MAP3K8: variants seen among roughly 807,000 people sequenced by gnomAD.
MAP3K8 encodes Ewing sarcoma transformant.
A neutral mutation model predicts 45.8 loss-of-function variants in MAP3K8; 22 were observed. That is an observed-to-expected ratio of 0.48 (90% CI 0.34 to 0.69). The LOEUF (loss-of-function observed/expected upper bound fraction) is 0.69. Among genes scored for constraint, MAP3K8 ranks in the 30% least tolerant of loss-of-function variants. The pLI, the probability that MAP3K8 is intolerant of heterozygous loss-of-function variation, is 0.01. For missense variants in MAP3K8, 419 were observed against 585.0 expected (o/e 0.72, Z 2.93); for synonymous variants, 223 against 214.3 (o/e 1.04, Z -0.36).
intron 3 of MAP3K8, among the ~76,000 whole-genome samples, chr10:30,439,909 A>C (rs924670439): frequency 2.6e-5 from 4 of 152,226 alleles, no homozygotes; most frequent in African/African-American, 4.8e-5. Flanking sequence ...CCTTCGTCTG[A>C]GAGGGGAATA....
chr10:30,443,787 A>C (rs929254464), intron 3 of MAP3K8, among the ~76,000 whole-genome samples: 31 of 152,260 alleles, frequency 2.0e-4, no homozygotes, highest in African/African-American at 6.8e-4. Context: ...CGTATAAATG[A>C]CAGTGATCTG....
chr10:30,437,387 C>A lies in MAP3K8; in HGVS notation c.-43C>A. On this transcript the variant is annotated 5_prime_UTR_variant, in exon 2 of 9. Coordinates refer to ENST00000263056, the MANE Select transcript of MAP3K8 (RefSeq NM_005204.4). ...CTTTATGAGCTTGAACTCTGTTAAT[C>A]CTCACGACCACCTCATGAGGTAGGT... The A allele has an allele frequency of 1.2e-6, 1 of 823,530 alleles. No homozygotes were observed. Among genetic ancestry groups the A allele is most frequent in the Non-Finnish European group, 1.5e-6 (1 of 681,924 alleles). The allele number at this position is 823,530 out of a possible 1,614,324, so 51.0% of individuals were successfully genotyped here.
intron 8 of MAP3K8, 25 bp downstream of exon 8, chr10:30,459,526 C>T (rs1401866286): frequency 6.2e-7 from 1 of 1,611,226 alleles, no homozygotes; most frequent in Non-Finnish European, 8.5e-7. Context: ...CTGTGTGCCG[C>T]ACACTTACTT....
intron 1 of MAP3K8, among the ~76,000 whole-genome samples, chr10:30,435,882 G>A (rs1318742624): frequency 6.6e-6 from 1 of 152,224 alleles, no homozygotes; most frequent in Non-Finnish European, 1.5e-5. Flanking sequence ...ACAAGTAATA[G>A]TCATTCTTTG....
At chr10:30,451,493 CT>C (rs1441905915) in intron 5 of MAP3K8, 144 bp from the exon 6 acceptor site, 1 of 472,994 alleles carries the variant, frequency 2.1e-6, no homozygotes, top group African/African-American at 2.0e-5. Context: ...TCATTCTCCT[CT>C]TTTGAATATA....
At position 30,438,819 on chromosome 10, in the gene MAP3K8, A is replaced by G. The variant is rs562210270; in HGVS notation, c.-23-97A>G. The G allele has an allele frequency of 4.0e-5, 27 of 677,600 alleles. No homozygotes were observed. In the South Asian group the frequency reaches 5.0e-4, roughly 12 times the overall value. 42.0% of individuals were successfully genotyped at this position (677,600 alleles called of 1,614,324 possible). On this transcript the variant is annotated intron_variant, in intron 2 of 8. Coordinates refer to ENST00000263056, the MANE Select transcript of MAP3K8 (RefSeq NM_005204.4). ...ACCCTCGTTTTCTGAACAAAAGCAT[A>G]TAAAATCCTGTTGCCAATCCTTGTA...
chr10:30,435,018 T>A (rs568280682), intron 1 of MAP3K8, among the ~76,000 whole-genome samples: 1 of 152,210 alleles, frequency 6.6e-6, no homozygotes, highest in South Asian at 2.1e-4. Context: ...AAAGTTATTT[T>A]CACGGAAGTT....
At chr10:30,452,065 GGCTAAT>G (rs762130194) in intron 6 of MAP3K8, among the ~76,000 whole-genome samples, 30 of 152,088 alleles carry the variant, frequency 2.0e-4, no homozygotes, top group Non-Finnish European at 3.8e-4. Flanking sequence ...CAGGTGTGGT[GGCTAAT>G]GCCTGTAATC....
chr10:30,443,072 C>T (rs761299297), intron 3 of MAP3K8, among the ~76,000 whole-genome samples: 32 of 152,060 alleles, frequency 2.1e-4, no homozygotes, highest in Non-Finnish European at 1.5e-4. Flanking sequence ...CATCTCTGAC[C>T]GTTTAGTGCA....
Position 30,447,806 on chromosome 10 carries a change from T to C in MAP3K8, c.361T>C (p.Tyr121His). ...NMVITPQNGR[Y>H]QIDSDVLLIP... ...GGTCATCACTCCCCAAAATGGACGT[T>C]ACCAAATAGATTCCGATGTTCTCCT... The change falls in exon 4 of 9, where the codon TAC becomes CAC. Residue 121 changes from tyrosine to histidine, a missense_variant. Physicochemically the swap from Tyr to His is moderately conservative, Grantham distance 83. This residue lies in a region of MAP3K8 where 209 missense variants were observed against 367.3 expected (regional missense o/e 0.57). Coordinates refer to ENST00000263056, the MANE Select transcript of MAP3K8 (RefSeq NM_005204.4). 1.2e-6 allele frequency: 2 copies of C among 1,613,862 alleles called. No individual in the cohort carries two copies. Among genetic ancestry groups the C allele is most frequent in the Non-Finnish European group, 1.7e-6 (2 of 1,179,924 alleles).
chr10:30,434,845 A>T (rs1588758550), intron 1 of MAP3K8: 1 of 915,028 alleles, frequency 1.1e-6, no homozygotes, highest in African/African-American at 1.8e-5. Flanking sequence ...TTAGAGAACC[A>T]GGAGGAAAGG....
chr10:30,458,197 G>C lies in MAP3K8; in HGVS notation c.987G>C (p.Lys329Asn). 1 of 1,585,872 alleles carries C rather than the reference G, an allele frequency of 6.3e-7. No individual in the cohort carries two copies. ...AGACGGGCACCCCACCCTGGGTGAA[G>C]CGCTACCCTCGCTCAGCCTATCCCT... ...HMQTGTPPWV[K>N]RYPRSAYPSY... Residue 329 changes from lysine to asparagine, a missense_variant, in exon 7 of 9, where the codon AAG becomes AAC. Physicochemically the swap from Lys to Asn is moderately conservative, Grantham distance 94 (BLOSUM62 0). Coordinates refer to ENST00000263056, the MANE Select transcript of MAP3K8 (RefSeq NM_005204.4).
intron 1 of MAP3K8, among the ~76,000 whole-genome samples, chr10:30,435,407 A>G (rs1564361516): frequency 6.6e-6 from 1 of 152,186 alleles, no homozygotes; most frequent in Admixed American, 6.5e-5. Flanking sequence ...TGAGGCATGT[A>G]GAGGTTTTGA....
intron 4 of MAP3K8, among the ~76,000 whole-genome samples, chr10:30,449,182 A>G (rs1367167243): frequency 6.6e-6 from 1 of 152,182 alleles, no homozygotes; most frequent in Non-Finnish European, 1.5e-5. Flanking sequence ...CTTGGAGAGT[A>G]GCGACTGGAA....
chr10:30,436,672 GAAT>G (rs1423528906), intron 1 of MAP3K8, among the ~76,000 whole-genome samples: 1 of 145,326 alleles, frequency 6.9e-6, no homozygotes, highest in Non-Finnish European at 1.5e-5. Flanking sequence ...AAAGAATAAA[GAAT>G]AAAAAGAATA....
At chr10:30,452,338 G>A (rs1836571641) in intron 6 of MAP3K8, among the ~76,000 whole-genome samples, 1 of 151,892 alleles carries the variant, frequency 6.6e-6, no homozygotes, top group Non-Finnish European at 1.5e-5. Flanking sequence ...GCGTGGTGGC[G>A]GGCACCTGTA....
chr10:30,444,189 TA>T (rs879650669), intron 3 of MAP3K8, among the ~76,000 whole-genome samples: 529 of 137,124 alleles, frequency 3.9e-3, no homozygotes, highest in African/African-American at 4.1e-3. Context: ...GACCCTGTCT[TA>T]AAAAAAAAAA....
chr10:30,437,816 A>G (rs1835962615), intron 2 of MAP3K8, among the ~76,000 whole-genome samples: 1 of 152,218 alleles, frequency 6.6e-6, no homozygotes. Context: ...TGTGCTTCTC[A>G]GAACTTGAAA....
intron 6 of MAP3K8, among the ~76,000 whole-genome samples, chr10:30,454,828 A>C (rs1424701452): frequency 6.6e-6 from 1 of 152,064 alleles, no homozygotes; most frequent in Non-Finnish European, 1.5e-5. Flanking sequence ...AATAAGACTT[A>C]ATGCTTACGA....
Sources: gnomAD v4.1 joint callset for allele counts (sites outside exome capture counted in the v4.1 genomes callset) on GRCh38, gnomAD v4.1.1 for gene constraint, gnomAD v4.1.1 regional missense constraint, MANE v1.5 for transcripts, NCBI Gene and HGNC (gene_info 2026-07-23, HGNC 2026-07-21) for gene names.